Variants in GKAP1 observed in about 807,000 individuals in gnomAD.
The protein encoded by GKAP1 is G kinase-anchoring protein 1.
Under a neutral mutation model 56.7 loss-of-function variants are expected in GKAP1, and 31 were observed. The ratio of observed to expected loss-of-function variants is 0.55; its 90% CI spans 0.41 to 0.74. The LOEUF (loss-of-function observed/expected upper bound fraction) is 0.74, where lower values mean the gene tolerates loss of function less well. Ranked by LOEUF, GKAP1 falls within the 30% of genes least tolerant of loss-of-function variation. GKAP1 has a pLI of 0.00. For missense variants in GKAP1, 364 were observed against 402.3 expected, an observed-to-expected ratio of 0.90 and a Z score of 0.82; for synonymous variants, 151 against 138.6, an observed-to-expected ratio of 1.09 and a Z score of -0.63.
At chr9:83,748,611 G>T (rs780757370) in intron 9 of GKAP1, 6 of 253,666 alleles carry the variant, frequency 2.4e-5, no homozygotes, top group Non-Finnish European at 3.7e-5. Flanking sequence ...GGATAAAAGT[G>T]GAGAAAACTC....
Position 83,739,696 on chromosome 9 carries a change from A to T in GKAP1, c.*1T>A. 1 of 1,604,024 alleles carries T rather than the reference A, an allele frequency of 6.2e-7. No homozygotes were observed. The highest frequency in any genetic ancestry group is 8.5e-7 in the Non-Finnish European group (1 of 1,176,120). ...TGTGTTGACTTCAAAGGCTAATGTA[A>T]TCACCTACACTGGTCGGATTCAGAG... On this transcript the variant is annotated 3_prime_UTR_variant, in exon 13 of 13. Coordinates refer to ENST00000376371, the MANE Select transcript of GKAP1 (RefSeq NM_025211.4).
intron 3 of GKAP1, among the ~76,000 whole-genome samples, chr9:83,804,366 C>T (rs1459554469): frequency 8.1e-6 from 1 of 122,808 alleles, no homozygotes; most frequent in Non-Finnish European, 1.7e-5. Flanking sequence ...AGCCCCCCGC[C>T]CGGCCAGCCG....
At position 83,774,700 on chromosome 9, in the gene GKAP1, C is replaced by G. The variant is rs1311071895; in HGVS notation, c.585+5682G>C. On this transcript the variant is annotated intron_variant, in intron 7 of 12. Coordinates refer to ENST00000376371, the MANE Select transcript of GKAP1 (RefSeq NM_025211.4). The stretch of plus-strand genomic sequence containing the variant: ...AAGAAACTATCAATAAACAGAAACC[C>G]CCTTTTTTTTTTTTTTTTTTTTTTT... 2.6e-5 allele frequency among the ~76,000 whole-genome samples: 3 copies of G among 114,698 alleles called. 1 individual carries two copies. The highest frequency in any genetic ancestry group is 1.8e-4 in the Admixed American group (2 of 10,844). 75.2% of individuals were successfully genotyped at this position (114,698 alleles called of 152,430 possible).
At chr9:83,815,546 G>A (rs973665615) in intron 2 of GKAP1, among the ~76,000 whole-genome samples, 1 of 151,702 alleles carries the variant, frequency 6.6e-6, no homozygotes, top group African/African-American at 2.4e-5. Context: ...TCTCAGTCCA[G>A]AAGACCACAA....
In GKAP1 at chr9:83,758,520, G is replaced by A. The variant is rs557548422; in HGVS notation, c.739-5161C>T. Among the ~76,000 whole-genome samples, 88 of 152,104 alleles carry A rather than the reference G, an allele frequency of 5.8e-4. 1 individual carries two copies. The highest frequency in any genetic ancestry group is 2.0e-3 in the African/African-American group (85 of 41,496). ...GGCTGAGGCAGGCAGATCACTTGAG[G>A]TCAGGAGTTCGAGACCAGCCTGGCC... On this transcript the variant is annotated intron_variant, in intron 8 of 12. Transcript: ENST00000376371.
chr9:83,742,914 T>C (rs973659821), intron 10 of GKAP1, among the ~76,000 whole-genome samples: 47 of 152,232 alleles, frequency 3.1e-4, no homozygotes, highest in Admixed American at 3.1e-3. Context: ...CCCAGCACTT[T>C]GGGAGGCCAA....
At chr9:83,796,162 C>G (rs1944243669) in intron 4 of GKAP1, among the ~76,000 whole-genome samples, 1 of 151,754 alleles carries the variant, frequency 6.6e-6, no homozygotes. Context: ...AAACTCCTGG[C>G]CTCAAGCAAT....
At chr9:83,806,248 C>T in intron 3 of GKAP1, 54 bp downstream of exon 3, 1 of 1,179,212 alleles carries the variant, frequency 8.5e-7, no homozygotes, top group Non-Finnish European at 1.2e-6. Context: ...AGTATCTGTT[C>T]TCAGGATGAT....
intron 8 of GKAP1, among the ~76,000 whole-genome samples, chr9:83,764,567 A>T (rs185164261): frequency 6.6e-6 from 1 of 152,190 alleles, no homozygotes; most frequent in Non-Finnish European, 1.5e-5. Context: ...TGTGGATATG[A>T]CTTTGGAACT....
rs112343500 is a variant in GKAP1, at chr9:83,752,991, C to T, written c.840+267G>A. 2.0e-4 allele frequency among the ~76,000 whole-genome samples: 30 copies of T among 151,676 alleles called. 1 individual carries two copies. The highest frequency in any genetic ancestry group is 1.3e-3 in the South Asian group (6 of 4,794). ...GGCAGGAGAATCGCTTGAACCCAGG[C>T]GGAGGTTGCACCGAGCTGAGATCAC... On this transcript the variant is annotated intron_variant, in intron 9 of 12. Coordinates refer to ENST00000376371, the MANE Select transcript of GKAP1 (RefSeq NM_025211.4).
At chr9:83,779,589 A>G (rs200437876) in intron 7 of GKAP1, among the ~76,000 whole-genome samples, 22 of 111,714 alleles carry the variant, frequency 2.0e-4, no homozygotes, top group South Asian at 6.1e-4. Context: ...ATATACACGT[A>G]TATGTGTATA....
chr9:83,752,792 C>T (rs911463819), intron 9 of GKAP1, among the ~76,000 whole-genome samples: 98 of 152,186 alleles, frequency 6.4e-4, no homozygotes, highest in African/African-American at 2.3e-3. Context: ...AAAATACAAC[C>T]AGGCACGGTG....
intron 9 of GKAP1, among the ~76,000 whole-genome samples, chr9:83,749,742 C>G (rs1043961942): frequency 6.7e-6 from 1 of 149,244 alleles, no homozygotes; most frequent in Non-Finnish European, 1.5e-5. Flanking sequence ...ATGGCTTTTA[C>G]TAAATAGTAC....
chr9:83,772,815 A>C (rs554059089), intron 7 of GKAP1, among the ~76,000 whole-genome samples: 2 of 152,202 alleles, frequency 1.3e-5, no homozygotes, highest in Non-Finnish European at 2.9e-5. Flanking sequence ...ATGGCTGATA[A>C]GCATATGAAA....
At chr9:83,793,068 A>G in intron 4 of GKAP1, 1 of 924,772 alleles carries the variant, frequency 1.1e-6, no homozygotes, top group South Asian at 1.5e-5. Context: ...TAGCTCAATC[A>G]GTTAAAGAGT....
chr9:83,752,928 G>A (rs547161999), intron 9 of GKAP1, among the ~76,000 whole-genome samples: 173 of 151,822 alleles, frequency 1.1e-3, no homozygotes, highest in African/African-American at 3.5e-3. Context: ...AAAATTAGCC[G>A]GGCGTGGTGG....
At chr9:83,808,318 G>T (rs1001770532) in intron 2 of GKAP1, among the ~76,000 whole-genome samples, 1 of 152,094 alleles carries the variant, frequency 6.6e-6, no homozygotes, top group Non-Finnish European at 1.5e-5. Context: ...CTTATAGGCC[G>T]GGTGCAGTGG....
chr9:83,799,232 C>T lies in GKAP1; in HGVS notation c.313G>A (p.Asp105Asn), dbSNP rs570709929. Residue 105 changes from aspartate to asparagine, a missense_variant, in exon 4 of 13, where the codon GAT becomes AAT. Asp to Asn is a conservative substitution (Grantham distance 23). Transcript: ENST00000376371. ...DLPLSNPVQK[D>N]SREENWQEWR... ...TCTTGCCAATTTTCTTCTCGTGAAT[C>T]CTTCTGTACTGGGTTTGACAATGGA... is the stretch of plus-strand genomic sequence containing the variant. 1.9e-6 allele frequency: 3 copies of T among 1,613,224 alleles called. No individual in the cohort carries two copies. The East Asian group carries it at 6.7e-5, about 36-fold the overall frequency.
intron 7 of GKAP1, among the ~76,000 whole-genome samples, chr9:83,779,474 CATATACATACATAT>C (rs1219256184): frequency 7.3e-6 from 1 of 136,442 alleles, no homozygotes; most frequent in Non-Finnish European, 1.6e-5. Flanking sequence ...CGCACATATA[CATATACATACATAT>C]ATACACATAT....
Sources: gnomAD v4.1 joint callset for allele counts (sites outside exome capture counted in the v4.1 genomes callset) on GRCh38, gnomAD v4.1.1 for gene constraint, MANE v1.5 for transcripts, NCBI Gene and HGNC (gene_info 2026-07-23, HGNC 2026-07-21) for gene names.